The following TIPARP variants were observed in gnomAD, a reference collection of about 807,000 sequenced individuals.
The protein encoded by TIPARP is TCDD inducible poly(ADP-ribose) polymerase.
A neutral mutation model predicts 56.5 loss-of-function variants in TIPARP; 12 were observed. The observed-to-expected ratio is 0.21, with a 90% CI of 0.14 to 0.34. The LOEUF is 0.34. Among genes scored for constraint, TIPARP ranks in the 10% least tolerant of loss-of-function variants. The pLI is 1.00. For missense variants in TIPARP, 604 were observed against 781.6 expected, an observed-to-expected ratio of 0.77 and a Z score of 2.71; for synonymous variants, 296 against 265.7, an observed-to-expected ratio of 1.11 and a Z score of -1.11.
intron 4 of TIPARP, among the ~76,000 whole-genome samples, chr3:156,700,940 A>G (rs1722830497): frequency 6.6e-6 from 1 of 152,232 alleles, no homozygotes. Flanking sequence ...CATGCAGTAT[A>G]TCTTTGGAAT....
rs1722180370 is a variant in TIPARP at position 156,677,740 on chromosome 3, C to T, written c.43C>T (p.Gln15Ter). ...TTEPEPDCVV[Q>*]PPSPPDDFSC... The stretch of plus-strand genomic sequence containing the variant: ...CGAACCTGAGCCAGACTGTGTAGTG[C>T]AGCCTCCCTCTCCTCCTGATGACTT... The change falls in exon 2 of 6, where the codon CAG (glutamine) becomes TAG (stop). Residue 15 changes from glutamine (Q) to a stop codon, truncating the protein, a stop_gained. Transcript: ENST00000295924. LOFTEE classifies it high-confidence loss of function. 6.2e-7 allele frequency: 1 copy of T among 1,612,660 alleles called. No individual in the cohort carries two copies. The highest frequency in any genetic ancestry group is 8.5e-7 in the Non-Finnish European group (1 of 1,179,462).
chr3:156,678,920 C>T (rs1393409406), intron 2 of TIPARP, among the ~76,000 whole-genome samples: 1 of 152,168 alleles, frequency 6.6e-6, no homozygotes, highest in Non-Finnish European at 1.5e-5. Context: ...GGAAAGCTGG[C>T]TTTTGAAAGA....
intron 4 of TIPARP, among the ~76,000 whole-genome samples, chr3:156,696,710 C>T (rs1722722210): frequency 6.6e-6 from 1 of 152,182 alleles, no homozygotes; most frequent in African/African-American, 2.4e-5. Flanking sequence ...AGGTGGGGCA[C>T]ATTACCATTC....
In TIPARP at chr3:156,705,315, TACTC is replaced by T. The variant is rs1166746406; in HGVS notation, c.*185_*188del. 1 of 533,520 alleles carries T rather than the reference TACTC, an allele frequency of 1.9e-6. No individual in the cohort carries two copies. The allele number at this position is 533,520 out of a possible 1,614,324, so 33.0% of individuals were successfully genotyped here. A position where few individuals can be genotyped will look rare whatever the true frequency, so the allele number is the denominator to read the frequency against. ...AAATACAAGTTTTAAAATGACCACT[TACTC>T]TTTAATTATTTACTAATTGCTAGTG... On this transcript the variant is annotated 3_prime_UTR_variant, in exon 6 of 6. Coordinates refer to ENST00000295924, the MANE Select transcript of TIPARP (RefSeq NM_015508.5).
chr3:156,686,841 A>G (rs540789996), intron 2 of TIPARP, among the ~76,000 whole-genome samples: 1 of 152,242 alleles, frequency 6.6e-6, no homozygotes, highest in Non-Finnish European at 1.5e-5. Flanking sequence ...TAATTTTATC[A>G]TTTACATATA....
chr3:156,694,134 C>A lies in TIPARP; in HGVS notation c.1032C>A (p.His344Gln). The change falls in exon 3 of 6, where the codon CAC becomes CAA. Residue 344 changes from histidine to glutamine, a missense_variant. Physicochemically the swap from His to Gln is conservative, Grantham distance 24. Transcript: ENST00000295924. The part of the protein sequence containing the change: ...PPSSNVNSIY[H>Q]TVWKFFCRDH... ...CTAGCAATGTCAACTCTATTTACCACACAGTCTGGAAATTCTTCTGTAGGG... is the reference window on the plus strand; with the variant it reads ...CTAGCAATGTCAACTCTATTTACCAAACAGTCTGGAAATTCTTCTGTAGGG... 1 of 1,613,260 alleles carries A rather than the reference C, an allele frequency of 6.2e-7. No homozygotes were observed. Among genetic ancestry groups the A allele is most frequent in the Non-Finnish European group, 8.5e-7 (1 of 1,179,590 alleles).
chr3:156,677,513 A>G, intron 1 of TIPARP, 144 bp from the exon 2 acceptor site: 1 of 561,392 alleles, frequency 1.8e-6, no homozygotes, highest in Non-Finnish European at 2.9e-6. Context: ...GATAAAATTT[A>G]AAATTGACTT....
chr3:156,679,920 GT>G (rs1057100518), intron 2 of TIPARP, among the ~76,000 whole-genome samples: 8 of 151,800 alleles, frequency 5.3e-5, no homozygotes, highest in African/African-American at 1.7e-4. Context: ...CAGAAACATG[GT>G]TTTTTTTGTT....
rs1179418679 is a variant in TIPARP, at chr3:156,674,770, C to T, written c.-68C>T. Reference sequence around the variant, plus strand: ...GCACTGCTTTCCACTCGGCTCCTGTCGTCCGTTCTCTCAGGCTCCCGTTCA... The same window carrying T: ...GCACTGCTTTCCACTCGGCTCCTGTTGTCCGTTCTCTCAGGCTCCCGTTCA... On this transcript the variant is annotated 5_prime_UTR_variant, in exon 1 of 6. Coordinates refer to ENST00000295924, the MANE Select transcript of TIPARP (RefSeq NM_015508.5). The T allele has an allele frequency of 6.6e-6, 1 of 152,468 alleles. No individual in the cohort carries two copies. Among genetic ancestry groups the T allele is most frequent in the African/African-American group, 2.4e-5 (1 of 41,452 alleles). The allele number at this position is 152,468 out of a possible 1,614,324, so 9.4% of individuals were successfully genotyped here.
At chr3:156,702,913 T>G (rs1009887846) in intron 4 of TIPARP, among the ~76,000 whole-genome samples, 1 of 152,218 alleles carries the variant, frequency 6.6e-6, no homozygotes, top group Non-Finnish European at 1.5e-5. Flanking sequence ...ATATTAGCAT[T>G]CAGGTCCTGC....
At chr3:156,679,180 T>C (rs1389753766) in intron 2 of TIPARP, among the ~76,000 whole-genome samples, 1 of 152,176 alleles carries the variant, frequency 6.6e-6, no homozygotes, top group African/African-American at 2.4e-5. Flanking sequence ...ATAGATAAAA[T>C]AAATTTTTCC....
At position 156,694,082 on chromosome 3, in the gene TIPARP, A is replaced by G; in HGVS notation, c.980A>G (p.Gln327Arg). 6.2e-7 allele frequency: 1 copy of G among 1,613,556 alleles called. No individual in the cohort carries two copies. Among genetic ancestry groups the G allele is most frequent in the Non-Finnish European group, 8.5e-7 (1 of 1,179,718 alleles). ...GTGTATGAAACAACTGAATTTGACC[A>G]ACTACGAAGGCTGTCCACACCACCC... ...MNVYETTEFD[Q>R]LRRLSTPPSS... Residue 327 changes from glutamine (Q) to arginine (R), a missense_variant, in exon 3 of 6, where the codon CAA (glutamine) becomes CGA (arginine). Physicochemically the swap from Gln to Arg is conservative, Grantham distance 43. Around this residue, in one of 4 missense-constraint regions of TIPARP, gnomAD observed 252 missense variants for 303.9 expected, o/e 0.83. Transcript: ENST00000295924.
At chr3:156,702,074 T>TGTGGTGGTGGTG (rs1260076842) in intron 4 of TIPARP, among the ~76,000 whole-genome samples, 1 of 62,612 alleles carries the variant, frequency 1.6e-5, no homozygotes, top group African/African-American at 6.0e-5. Flanking sequence ...TGGTGGTGGT[T>TGTGGTGGTGGTG]GTGGTGGTGG....
chr3:156,688,210 A>G (rs962128987), intron 2 of TIPARP, among the ~76,000 whole-genome samples: 1 of 151,966 alleles, frequency 6.6e-6, no homozygotes, highest in African/African-American at 2.4e-5. Flanking sequence ...CCTTGTCTCT[A>G]CAGAAAAATA....
intron 2 of TIPARP, among the ~76,000 whole-genome samples, chr3:156,682,844 G>C (rs1266444159): frequency 6.6e-6 from 1 of 152,190 alleles, no homozygotes; most frequent in Non-Finnish European, 1.5e-5. Flanking sequence ...CCATAAGCAA[G>C]AACTGTGTTT....
chr3:156,686,257 G>A (rs1018982532), intron 2 of TIPARP, among the ~76,000 whole-genome samples: 1 of 152,104 alleles, frequency 6.6e-6, no homozygotes, highest in Non-Finnish European at 1.5e-5. Flanking sequence ...AAATAATTTC[G>A]ACTCTCTTAA....
chr3:156,694,202 C>A lies in TIPARP; in HGVS notation c.1086+14C>A, dbSNP rs777749357. On this transcript the variant is annotated intron_variant, in intron 3 of 5. Transcript: ENST00000295924. The stretch of plus-strand genomic sequence containing the variant: ...GAGTATCCCGAGGTATTTACAGATT[C>A]TTTGTTGACAAGTACATTTTTCAAA... The A allele has an allele frequency of 1.3e-6, 2 of 1,567,444 alleles. No individual in the cohort carries two copies. The highest frequency in any genetic ancestry group is 4.1e-5 in the Admixed American group (2 of 48,254).
chr3:156,697,992 A>G (rs964277813), intron 4 of TIPARP, among the ~76,000 whole-genome samples: 11 of 152,232 alleles, frequency 7.2e-5, no homozygotes, highest in Non-Finnish European at 1.5e-4. Context: ...CTACTCTGGT[A>G]AGCACACGAA....
chr3:156,699,397 A>C (rs1426277816), intron 4 of TIPARP, among the ~76,000 whole-genome samples: 1 of 152,222 alleles, frequency 6.6e-6, no homozygotes, highest in Non-Finnish European at 1.5e-5. Flanking sequence ...AACCTTCAGC[A>C]ATCACCACCC....
Sources: allele counts gnomAD v4.1 joint callset (sites outside exome capture counted in the v4.1 genomes callset), GRCh38; gene constraint gnomAD v4.1.1; regional missense constraint gnomAD v4.1.1; transcripts MANE v1.5; gene names NCBI Gene and HGNC (gene_info 2026-07-23, HGNC 2026-07-21).